The following ZNF804B variants were observed in gnomAD, a reference collection of about 807,000 sequenced individuals.
The protein encoded by ZNF804B is zinc finger 804B.
Under a neutral mutation model 101.4 loss-of-function variants are expected in ZNF804B, and 80 were observed. The ratio of observed to expected loss-of-function variants is 0.79; its 90% CI spans 0.66 to 0.95. The LOEUF (loss-of-function observed/expected upper bound fraction) is 0.95. Among genes scored for constraint, ZNF804B ranks in the 40% least tolerant of loss-of-function variants. The pLI is 0.00. For missense variants in ZNF804B, 1,673 were observed against 1,561.9 expected, an observed-to-expected ratio of 1.07 and a Z score of -1.20; for synonymous variants, 622 against 558.8, an observed-to-expected ratio of 1.11 and a Z score of -1.59.
chr7:88,988,048 C>T (rs1284172862), intron 1 of ZNF804B, among the ~76,000 whole-genome samples: 1 of 151,722 alleles, frequency 6.6e-6, no homozygotes, highest in Non-Finnish European at 1.5e-5. Context: ...TTCTTTAGCT[C>T]CCATTTAAGA....
intron 1 of ZNF804B, among the ~76,000 whole-genome samples, chr7:89,017,915 G>A (rs1311875746): frequency 6.6e-6 from 1 of 151,990 alleles, no homozygotes; most frequent in Non-Finnish European, 1.5e-5. Flanking sequence ...AAGTTTTTGG[G>A]AAGAGCCTTT....
At chr7:88,882,132 G>C (rs1792051734) in intron 1 of ZNF804B, among the ~76,000 whole-genome samples, 2 of 152,140 alleles carry the variant, frequency 1.3e-5, no homozygotes, top group African/African-American at 4.8e-5. Context: ...GCCTCACTTA[G>C]TGTTTAAGAT....
chr7:89,157,328 T>C (rs1365877896), intron 1 of ZNF804B, among the ~76,000 whole-genome samples: 1 of 152,188 alleles, frequency 6.6e-6, no homozygotes, highest in Non-Finnish European at 1.5e-5. Flanking sequence ...TAGTGATTCA[T>C]CTTTCTCAAC....
intron 1 of ZNF804B, among the ~76,000 whole-genome samples, chr7:89,099,699 G>A (rs1790025931): frequency 6.6e-6 from 1 of 152,132 alleles, no homozygotes; most frequent in South Asian, 2.1e-4. Flanking sequence ...GGTTGTGTTG[G>A]GGTTTTGAGG....
At chr7:88,942,686 G>A (rs1793073595) in intron 1 of ZNF804B, among the ~76,000 whole-genome samples, 1 of 151,312 alleles carries the variant, frequency 6.6e-6, no homozygotes, top group African/African-American at 2.4e-5. Context: ...AAAACCAATG[G>A]TATTTAGGTT....
At chr7:89,230,301 G>A (rs1346570548) in intron 2 of ZNF804B, among the ~76,000 whole-genome samples, 1 of 77,456 alleles carries the variant, frequency 1.3e-5, no homozygotes, top group African/African-American at 5.9e-5. Context: ...GATAGACATG[G>A]GGAGGGGGAG....
chr7:89,056,035 C>T (rs1366458960), intron 1 of ZNF804B, among the ~76,000 whole-genome samples: 2 of 151,960 alleles, frequency 1.3e-5, no homozygotes, highest in East Asian at 3.9e-4. Flanking sequence ...GAGGAAATTC[C>T]AAAGAGACTC....
At chr7:88,797,831 A>G (rs537245765) in intron 1 of ZNF804B, among the ~76,000 whole-genome samples, 82 of 152,204 alleles carry the variant, frequency 5.4e-4, no homozygotes, top group African/African-American at 1.9e-3. Context: ...TATTTTTATT[A>G]TAATTATGTT....
intron 1 of ZNF804B, among the ~76,000 whole-genome samples, chr7:89,052,346 G>A (rs926407672): frequency 6.6e-6 from 1 of 151,922 alleles, no homozygotes; most frequent in African/African-American, 2.4e-5. Flanking sequence ...ATTTTTCTGT[G>A]TATTTCCTAA....
intron 2 of ZNF804B, among the ~76,000 whole-genome samples, chr7:89,286,073 TC>T (rs1280254617): frequency 6.6e-6 from 1 of 152,172 alleles, no homozygotes; most frequent in Non-Finnish European, 1.5e-5. Context: ...AGACTACATT[TC>T]TAAAGTTCTT....
intron 1 of ZNF804B, among the ~76,000 whole-genome samples, chr7:88,766,719 A>G (rs1306854257): frequency 6.6e-6 from 1 of 152,168 alleles, no homozygotes; most frequent in African/African-American, 2.4e-5. Context: ...TAATGTACAA[A>G]GTTTCTTTCA....
chr7:89,294,885 G>C (rs530328054), intron 2 of ZNF804B, among the ~76,000 whole-genome samples: 3 of 151,778 alleles, frequency 2.0e-5, no homozygotes, highest in Admixed American at 2.0e-4. Context: ...TACTTATTTT[G>C]GTTTTTCCAA....
At chr7:88,941,529 A>T (rs921612421) in intron 1 of ZNF804B, among the ~76,000 whole-genome samples, 4 of 152,050 alleles carry the variant, frequency 2.6e-5, no homozygotes, top group Non-Finnish European at 5.9e-5. Flanking sequence ...CATGTTGTAT[A>T]ATTCCAACTA....
chr7:89,020,183 T>C (rs1223231933), intron 1 of ZNF804B, among the ~76,000 whole-genome samples: 1 of 152,154 alleles, frequency 6.6e-6, no homozygotes. Context: ...TTCATGATGA[T>C]ATTTACTGTC....
chr7:88,767,356 G>T (rs1790000719), intron 1 of ZNF804B, among the ~76,000 whole-genome samples: 1 of 152,106 alleles, frequency 6.6e-6, no homozygotes, highest in African/African-American at 2.4e-5. Flanking sequence ...CACTTCACTT[G>T]TCCTGTGTAC....
At chr7:88,936,745 A>G (rs1259569774) in intron 1 of ZNF804B, among the ~76,000 whole-genome samples, 1 of 152,078 alleles carries the variant, frequency 6.6e-6, no homozygotes, top group Non-Finnish European at 1.5e-5. Context: ...GCTTCAGATA[A>G]GGGAACTTCA....
rs1297959050 is a variant in ZNF804B at position 89,337,610 on chromosome 7, ATCTT to A, written c.*580_*583del. ...GAAAATTACATTTTAATGAAAAACA[ATCTT>A]TATAGATTATACTTTTGAGTTTCTG... On this transcript the variant is annotated 3_prime_UTR_variant, in exon 4 of 4. Coordinates refer to ENST00000333190, the MANE Select transcript of ZNF804B (RefSeq NM_181646.5). Among the ~76,000 whole-genome samples, 1 of 152,176 alleles carries A rather than the reference ATCTT, an allele frequency of 6.6e-6. No homozygotes were observed. Among genetic ancestry groups the A allele is most frequent in the Non-Finnish European group, 1.5e-5 (1 of 67,988 alleles).
chr7:88,870,400 A>AAAAAAAG lies in ZNF804B; in HGVS notation c.108+110322_108+110323insGAAAAAA, dbSNP rs1554341925. Among the ~76,000 whole-genome samples, 27 of 112,734 alleles carry AAAAAAAG rather than the reference A, an allele frequency of 2.4e-4. 1 individual carries two copies. Among genetic ancestry groups the AAAAAAAG allele is most frequent in the Admixed American group, 6.3e-4 (7 of 11,086 alleles). The allele number at this position is 112,734 out of a possible 152,430, so 74.0% of individuals were successfully genotyped here. ...ACTCCGTCTCAAAAAAAAAAAAAAA[A>AAAAAAAG]AAAAAAAGGTGGGTGATTGGAAAAC... On this transcript the variant is annotated intron_variant, in intron 1 of 3. Coordinates refer to ENST00000333190, the MANE Select transcript of ZNF804B (RefSeq NM_181646.5).
intron 1 of ZNF804B, among the ~76,000 whole-genome samples, chr7:88,827,897 C>G (rs990769574): frequency 5.3e-5 from 8 of 152,200 alleles, no homozygotes; most frequent in South Asian, 2.1e-4. Flanking sequence ...GAAACTGGAG[C>G]CTTTTCTAGT....
Sources: allele counts gnomAD v4.1 joint callset (sites outside exome capture counted in the v4.1 genomes callset), GRCh38; gene constraint gnomAD v4.1.1; transcripts MANE v1.5; gene names NCBI Gene and HGNC (gene_info 2026-07-23, HGNC 2026-07-21).